Variants in SORCS3 observed in about 807,000 individuals in gnomAD.
SORCS3 encodes VPS10 domain-containing receptor SorCS3.
Under a neutral mutation model 146.3 loss-of-function variants are expected in SORCS3, and 57 were observed. That is an observed-to-expected ratio of 0.39 (90% confidence interval 0.31 to 0.49). The LOEUF (loss-of-function observed/expected upper bound fraction) is 0.49. SORCS3 is among the 20% of genes least tolerant of loss of function. The pLI is 0.92. For missense variants in SORCS3, 1,341 were observed against 1,575.5 expected (o/e 0.85, Z 2.52); for synonymous variants, 653 against 618.5 (o/e 1.06, Z -0.83).
At chr10:104,642,140 C>G (rs1279453979) in intron 1 of SORCS3, among the ~76,000 whole-genome samples, 186 bp downstream of exon 1, 1 of 152,028 alleles carries the variant, frequency 6.6e-6, no homozygotes, top group Non-Finnish European at 1.5e-5. Context: ...TGTTGTTAGA[C>G]GCTGTGTGTG....
At chr10:104,924,295 T>C (rs2019117113) in intron 3 of SORCS3, among the ~76,000 whole-genome samples, 1 of 152,248 alleles carries the variant, frequency 6.6e-6, no homozygotes, top group South Asian at 2.1e-4. Context: ...CCTAGTCTAG[T>C]ATTCTCTGCC....
At chr10:104,726,853 G>C (rs2016641927) in intron 1 of SORCS3, among the ~76,000 whole-genome samples, 1 of 152,130 alleles carries the variant, frequency 6.6e-6, no homozygotes, top group African/African-American at 2.4e-5. Context: ...AGCAGTCCCA[G>C]TTGACCTGGG....
At chr10:104,954,927 A>G (rs1264290738) in intron 3 of SORCS3, among the ~76,000 whole-genome samples, 1 of 152,228 alleles carries the variant, frequency 6.6e-6, no homozygotes, top group Non-Finnish European at 1.5e-5. Flanking sequence ...GGCTGAAACC[A>G]ATGAGTCCCG....
intron 4 of SORCS3, among the ~76,000 whole-genome samples, chr10:104,989,455 G>A (rs1437856848): frequency 6.6e-6 from 1 of 152,206 alleles, no homozygotes; most frequent in Non-Finnish European, 1.5e-5. Flanking sequence ...AAATGGAGTG[G>A]AAGGGCCTGG....
rs980250962 is a variant in SORCS3, at chr10:105,159,009, C to G, written c.1732+15C>G. 1.8e-5 allele frequency: 28 copies of G among 1,550,406 alleles called. No homozygotes were observed. Among genetic ancestry groups the G allele is most frequent in the Non-Finnish European group, 2.2e-5 (25 of 1,124,648 alleles). ...GGTGGCTACAGGTAAGAAAAACATT[C>G]CCTGTGCTTCTTCCTTACTGAGAGT... On this transcript the variant is annotated intron_variant, in intron 11 of 26. Transcript: ENST00000369701.
intron 1 of SORCS3, among the ~76,000 whole-genome samples, chr10:104,836,676 G>A (rs1453975100): frequency 6.6e-6 from 1 of 152,066 alleles, no homozygotes; most frequent in East Asian, 1.9e-4. Context: ...ACTACACCAA[G>A]TGCAATCCCA....
At chr10:105,003,625 A>G (rs954201126) in intron 4 of SORCS3, among the ~76,000 whole-genome samples, 1 of 152,196 alleles carries the variant, frequency 6.6e-6, no homozygotes, top group Non-Finnish European at 1.5e-5. Context: ...TAATATGTTT[A>G]CATAAACTGT....
intron 20 of SORCS3, among the ~76,000 whole-genome samples, chr10:105,241,515 C>T (rs1001572769): frequency 4.6e-5 from 7 of 152,174 alleles, no homozygotes; most frequent in East Asian, 3.9e-4. Context: ...TCTGCCACTG[C>T]GAGTAAAGGG....
intron 3 of SORCS3, among the ~76,000 whole-genome samples, chr10:104,934,410 C>T (rs1329407480): frequency 6.6e-6 from 1 of 152,134 alleles, no homozygotes; most frequent in African/African-American, 2.4e-5. Flanking sequence ...GATAACTTTT[C>T]AAGTTTGGTG....
At position 105,201,205 on chromosome 10, in the gene SORCS3, G is replaced by T. The variant is rs2056572696; in HGVS notation, c.2213G>T (p.Gly738Val). ...TGTGCCCTGGGCCGAGACCACTCAG[G>T]ATCAGTGGTCTCAGAACCCTGTGTC... ...AQCALGRDHS[G>V]SVVSEPCVCA... The change falls in exon 16 of 27, where the codon GGA becomes GTA. Residue 738 changes from glycine to valine, a missense_variant. Transcript: ENST00000369701. 1.2e-6 allele frequency: 2 copies of T among 1,611,592 alleles called. No individual in the cohort carries two copies. Among genetic ancestry groups the T allele is most frequent in the Non-Finnish European group, 1.7e-6 (2 of 1,178,804 alleles).
At chr10:105,043,235 C>A in intron 5 of SORCS3, 107 bp downstream of exon 5, 1 of 946,196 alleles carries the variant, frequency 1.1e-6, no homozygotes. Flanking sequence ...AAATGTGTTC[C>A]AGTCCTTTGC....
chr10:104,658,929 C>T (rs1394153044), intron 1 of SORCS3, among the ~76,000 whole-genome samples: 2 of 151,260 alleles, frequency 1.3e-5, no homozygotes, highest in African/African-American at 2.4e-5. Context: ...ACATGAATAT[C>T]TGCCAGCTTT....
intron 4 of SORCS3, among the ~76,000 whole-genome samples, chr10:105,026,136 G>A (rs1718852704): frequency 1.3e-5 from 2 of 152,090 alleles, no homozygotes; most frequent in Admixed American, 6.5e-5. Context: ...AGAGCTATCT[G>A]TGACTCCTCT....
chr10:105,128,351 A>G (rs1220654139), intron 7 of SORCS3, among the ~76,000 whole-genome samples: 1 of 152,098 alleles, frequency 6.6e-6, no homozygotes, highest in African/African-American at 2.4e-5. Flanking sequence ...GTTGTCCCAA[A>G]ATTCACTCAT....
chr10:104,880,964 A>C (rs1322341384), intron 2 of SORCS3, among the ~76,000 whole-genome samples: 1 of 152,194 alleles, frequency 6.6e-6, no homozygotes, highest in Admixed American at 6.5e-5. Context: ...ATTTTTCTGC[A>C]TATCTGACTT....
intron 7 of SORCS3, among the ~76,000 whole-genome samples, chr10:105,137,075 A>T (rs1424990001): frequency 6.6e-6 from 1 of 151,952 alleles, no homozygotes; most frequent in East Asian, 1.9e-4. Context: ...TGGAAACCCC[A>T]ATGCTCCCAG....
At chr10:104,691,240 G>T (rs2016107788) in intron 1 of SORCS3, among the ~76,000 whole-genome samples, 1 of 152,220 alleles carries the variant, frequency 6.6e-6, no homozygotes, top group Non-Finnish European at 1.5e-5. Flanking sequence ...ACTCAGACCA[G>T]TCCACTGCAT....
intron 1 of SORCS3, among the ~76,000 whole-genome samples, chr10:104,647,906 A>G (rs1156659729): frequency 6.6e-6 from 1 of 152,182 alleles, no homozygotes; most frequent in Non-Finnish European, 1.5e-5. Flanking sequence ...CCCCCATAAG[A>G]CATTCATCCA....
At chr10:104,856,101 A>G (rs1447955537) in intron 2 of SORCS3, among the ~76,000 whole-genome samples, 1 of 152,104 alleles carries the variant, frequency 6.6e-6, no homozygotes, top group Non-Finnish European at 1.5e-5. Flanking sequence ...GCATCAGGAA[A>G]CAGAGTGAAG....
Sources: gnomAD v4.1 joint callset for allele counts (sites outside exome capture counted in the v4.1 genomes callset) on GRCh38, gnomAD v4.1.1 for gene constraint, MANE v1.5 for transcripts, NCBI Gene and HGNC (gene_info 2026-07-23, HGNC 2026-07-21) for gene names.